The following ZMYM4 variants were observed in gnomAD, a reference collection of about 807,000 sequenced individuals.
ZMYM4 encodes zinc finger MYM-type containing 4.
A neutral mutation model predicts 183.2 loss-of-function variants in ZMYM4; 31 were observed. The observed-to-expected ratio is 0.17, with a 90% CI of 0.13 to 0.23. The LOEUF is 0.23. Among genes scored for constraint, ZMYM4 ranks in the 10% least tolerant of loss-of-function variants. ZMYM4 has a pLI of 1.00. For missense variants in ZMYM4, 1,273 were observed against 1,840.3 expected, an observed-to-expected ratio of 0.69 and a Z score of 5.64; for synonymous variants, 592 against 631.2, an observed-to-expected ratio of 0.94 and a Z score of 0.93.
At chr1:35,372,430 TAGAA>T (rs566627345) in intron 7 of ZMYM4, among the ~76,000 whole-genome samples, 84 of 152,262 alleles carry the variant, frequency 5.5e-4, no homozygotes, top group Non-Finnish European at 9.6e-4. Flanking sequence ...ATTTTTTAGT[TAGAA>T]AGAATTGAAG....
At chr1:35,371,080 T>TGC (rs1375989181) in intron 7 of ZMYM4, among the ~76,000 whole-genome samples, 1 of 118,010 alleles carries the variant, frequency 8.5e-6, no homozygotes, top group East Asian at 2.0e-4. Flanking sequence ...TGTGTGTGTG[T>TGC]GTGTGTGTGT....
chr1:35,279,285 A>C (rs900857940), intron 1 of ZMYM4, among the ~76,000 whole-genome samples: 5 of 152,258 alleles, frequency 3.3e-5, no homozygotes, highest in Non-Finnish European at 7.3e-5. Flanking sequence ...CTTTCAGTAC[A>C]GGCTGACAGC....
intron 25 of ZMYM4, among the ~76,000 whole-genome samples, chr1:35,406,597 T>G (rs1645006811): frequency 6.6e-6 from 1 of 152,210 alleles, no homozygotes; most frequent in Non-Finnish European, 1.5e-5. Flanking sequence ...TTTAGACTAC[T>G]AAGCCTAAAT....
At chr1:35,294,950 A>C (rs1202932280) in intron 1 of ZMYM4, among the ~76,000 whole-genome samples, 1 of 152,224 alleles carries the variant, frequency 6.6e-6, no homozygotes, top group Non-Finnish European at 1.5e-5. Context: ...TTTAGATTCC[A>C]CTGTGCTTCA....
intron 1 of ZMYM4, among the ~76,000 whole-genome samples, chr1:35,269,640 A>T (rs1447599141): frequency 1.3e-5 from 2 of 152,130 alleles, no homozygotes; most frequent in African/African-American, 2.4e-5. Context: ...CTGATTTAGG[A>T]GAAAGATTTT....
In ZMYM4 at chr1:35,421,863, A is replaced by AGTTTTTAACCACTTTTAG. The variant is rs1553184252; in HGVS notation, c.*2192_*2209dup. On this transcript the variant is annotated 3_prime_UTR_variant, in exon 30 of 30. Coordinates refer to ENST00000314607, the MANE Select transcript of ZMYM4 (RefSeq NM_005095.3). ...TAAATCATCCTTTTTGTTCTTTTTCAGTTTTTAACCACTTTTAGGTTTTCC... is the reference window on the plus strand; with the variant it reads ...TAAATCATCCTTTTTGTTCTTTTTCAGTTTTTAACCACTTTTAGGTTTTTAACCACTTTTAGGTTTTCC... 3 of 152,136 alleles carry AGTTTTTAACCACTTTTAG rather than the reference A, an allele frequency of 2.0e-5. No homozygotes were observed. The highest frequency in any genetic ancestry group is 2.9e-5 in the Non-Finnish European group (2 of 68,014). The allele number at this position is 152,136 out of a possible 1,614,324, so 9.4% of individuals were successfully genotyped here.
chr1:35,290,540 A>G (rs930511713), intron 1 of ZMYM4, among the ~76,000 whole-genome samples: 3 of 152,042 alleles, frequency 2.0e-5, no homozygotes, highest in African/African-American at 7.2e-5. Context: ...AGCTCAAGGG[A>G]TCCTCCTGCC....
Position 35,304,185 on chromosome 1 carries a change from C to T in ZMYM4, c.40-21175C>T, listed in dbSNP as rs972138573. 7.2e-5 allele frequency among the ~76,000 whole-genome samples: 11 copies of T among 152,202 alleles called. No homozygotes were observed. The South Asian group carries it at 1.2e-3, about 17-fold the overall frequency. ...GATTACCGGTGCATACCAGCACACT[C>T]GGCTAATTTTTTGTATTTTTAGTAG... On this transcript the variant is annotated intron_variant, in intron 1 of 29. Coordinates refer to ENST00000314607, the MANE Select transcript of ZMYM4 (RefSeq NM_005095.3).
chr1:35,368,047 G>C (rs1644129081), intron 5 of ZMYM4, among the ~76,000 whole-genome samples: 1 of 151,446 alleles, frequency 6.6e-6, no homozygotes, highest in Non-Finnish European at 1.5e-5. Context: ...TATCAGTGGT[G>C]GGCCAAATCC....
At chr1:35,278,267 A>G (rs1235419743) in intron 1 of ZMYM4, among the ~76,000 whole-genome samples, 2 of 151,516 alleles carry the variant, frequency 1.3e-5, no homozygotes, top group South Asian at 2.1e-4. Flanking sequence ...GTCTGCTCAC[A>G]TACTGTGGTT....
At chr1:35,286,352 A>G (rs752970824) in intron 1 of ZMYM4, among the ~76,000 whole-genome samples, 49 of 152,278 alleles carry the variant, frequency 3.2e-4, no homozygotes, top group East Asian at 7.7e-4. Flanking sequence ...CTTAACTCCA[A>G]TAGTCCTTGA....
At chr1:35,324,904 C>G (rs1406018446) in intron 1 of ZMYM4, among the ~76,000 whole-genome samples, 5 of 152,102 alleles carry the variant, frequency 3.3e-5, no homozygotes, top group African/African-American at 1.2e-4. Context: ...CAGTAGGAAC[C>G]ATCCCTATAA....
chr1:35,279,365 A>G (rs1158286063), intron 1 of ZMYM4, among the ~76,000 whole-genome samples: 1 of 152,208 alleles, frequency 6.6e-6, no homozygotes, highest in Non-Finnish European at 1.5e-5. Context: ...CCATATCATT[A>G]GACGAGAGGA....
At chr1:35,294,574 A>G (rs1640915881) in intron 1 of ZMYM4, among the ~76,000 whole-genome samples, 1 of 152,184 alleles carries the variant, frequency 6.6e-6, no homozygotes, top group Non-Finnish European at 1.5e-5. Context: ...ACAAATAAAC[A>G]GATTCATGTC....
At chr1:35,302,630 C>T (rs1641343291) in intron 1 of ZMYM4, among the ~76,000 whole-genome samples, 1 of 151,884 alleles carries the variant, frequency 6.6e-6, no homozygotes, top group South Asian at 2.1e-4. Context: ...CATGATCCGC[C>T]CTCCTCGGCC....
chr1:35,325,600 C>T (rs1479076805), intron 2 of ZMYM4, among the ~76,000 whole-genome samples, 195 bp downstream of exon 2: 2 of 151,756 alleles, frequency 1.3e-5, no homozygotes, highest in African/African-American at 4.8e-5. Flanking sequence ...TTCTTTTTTT[C>T]AATAAATATT....
At chr1:35,298,884 C>G (rs1314072708) in intron 1 of ZMYM4, among the ~76,000 whole-genome samples, 1 of 152,162 alleles carries the variant, frequency 6.6e-6, no homozygotes, top group Non-Finnish European at 1.5e-5. Context: ...CATTGCCATA[C>G]TCTTTACTTA....
In ZMYM4 at chr1:35,301,879, C is replaced by G. The variant is rs148067334; in HGVS notation, c.40-23481C>G. ...CTCTGTATGCTATGTGGCCTGGAAACTCTCAGATGGTAAGCTGGGGCAATG... is the reference window on the plus strand; with the variant it reads ...CTCTGTATGCTATGTGGCCTGGAAAGTCTCAGATGGTAAGCTGGGGCAATG... On this transcript the variant is annotated intron_variant, in intron 1 of 29. Transcript: ENST00000314607. 9.2e-5 allele frequency among the ~76,000 whole-genome samples: 14 copies of G among 152,280 alleles called. No homozygotes were observed. In the East Asian group the frequency reaches 2.7e-3, roughly 29 times the overall value.
intron 7 of ZMYM4, among the ~76,000 whole-genome samples, chr1:35,372,657 A>G (rs1041652562): frequency 1.3e-5 from 2 of 152,190 alleles, no homozygotes; most frequent in Non-Finnish European, 2.9e-5. Context: ...GCTTGGGACC[A>G]GAGGTGTTTC....
Sources: allele counts gnomAD v4.1 joint callset (sites outside exome capture counted in the v4.1 genomes callset), GRCh38; gene constraint gnomAD v4.1.1; transcripts MANE v1.5; gene names NCBI Gene and HGNC (gene_info 2026-07-23, HGNC 2026-07-21).